The following GPHN variants were observed in gnomAD, a reference collection of about 807,000 sequenced individuals.
GPHN encodes gephyrin.
A neutral mutation model predicts 95.5 loss-of-function variants in GPHN; 17 were observed. That is an observed-to-expected ratio of 0.18 (90% CI 0.12 to 0.27). GPHN has a LOEUF of 0.27. Ranked by LOEUF, GPHN falls within the 10% of genes least tolerant of loss-of-function variation. GPHN has a pLI of 1.00. For missense variants in GPHN, 660 were observed against 978.1 expected (o/e 0.67, Z 4.34); for synonymous variants, 320 against 322.5 (o/e 0.99, Z 0.08).
chr14:66,858,154 C>T (rs551060018), intron 4 of GPHN, among the ~76,000 whole-genome samples: 9 of 152,058 alleles, frequency 5.9e-5, no homozygotes, highest in Non-Finnish European at 1.2e-4. Flanking sequence ...TACAGTGGGA[C>T]GTGGGGGCAC....
the GPHN span, among the ~76,000 whole-genome samples, chr14:67,304,752 C>T: frequency 5.3e-5 from 8 of 152,066 alleles, no homozygotes; most frequent in African/African-American, 1.7e-4. Flanking sequence ...AAACTAAAAC[C>T]ATCCAATTGT....
At chr14:66,910,821 C>T (rs1358262107) in intron 5 of GPHN, among the ~76,000 whole-genome samples, 8 of 151,908 alleles carry the variant, frequency 5.3e-5, no homozygotes, top group Admixed American at 2.6e-4. Context: ...GTTATGGCAA[C>T]TGAAGTCAGT....
the GPHN span, chr14:67,383,866 G>C: frequency 2.2e-5 from 5 of 227,268 alleles, no homozygotes; most frequent in Non-Finnish European, 4.4e-5. Context: ...TTTAACTATA[G>C]GCTTCTTCCT....
the GPHN span, among the ~76,000 whole-genome samples, chr14:67,251,502 C>T: frequency 6.6e-6 from 1 of 152,040 alleles, no homozygotes; most frequent in Non-Finnish European, 1.5e-5. Context: ...CATTGCACTT[C>T]AGCCTGGTCA....
intron 3 of GPHN, among the ~76,000 whole-genome samples, chr14:66,822,329 C>T (rs965286054): frequency 6.6e-6 from 1 of 152,192 alleles, no homozygotes; most frequent in South Asian, 2.1e-4. Flanking sequence ...TTGAACAGAT[C>T]GTCTCCTTAG....
chr14:67,363,504 T>G, the GPHN span, among the ~76,000 whole-genome samples: 5 of 152,176 alleles, frequency 3.3e-5, no homozygotes, highest in East Asian at 9.6e-4. Context: ...ATGAATAGTT[T>G]TGAGAGAATA....
At chr14:66,926,036 A>C (rs2066466794) in intron 8 of GPHN, among the ~76,000 whole-genome samples, 2 of 152,166 alleles carry the variant, frequency 1.3e-5, no homozygotes, top group Non-Finnish European at 2.9e-5. Context: ...CTTGTTTACC[A>C]TTTGTATGTC....
chr14:66,905,051 A>G (rs140967370), intron 5 of GPHN, among the ~76,000 whole-genome samples: 1 of 152,198 alleles, frequency 6.6e-6, no homozygotes, highest in African/African-American at 2.4e-5. Flanking sequence ...ACATCAATAA[A>G]ATAATTTCTA....
intron 2 of GPHN, among the ~76,000 whole-genome samples, chr14:66,752,505 A>G (rs1417710909): frequency 1.3e-5 from 2 of 152,098 alleles, no homozygotes; most frequent in Admixed American, 6.6e-5. Context: ...AGGGAGAGAG[A>G]CAGGAAAATG....
chr14:67,581,891 T>C, the GPHN span: 1 of 602,410 alleles, frequency 1.7e-6, no homozygotes, highest in Non-Finnish European at 2.9e-6. Context: ...AGCATGACCC[T>C]GCATCTGCTC....
intron 1 of GPHN, among the ~76,000 whole-genome samples, chr14:66,592,707 T>A (rs5915023): frequency 6.6e-6 from 1 of 152,156 alleles, no homozygotes; most frequent in Non-Finnish European, 1.5e-5. Context: ...TTGGTCAGAG[T>A]GTGAATTAGT....
the GPHN span, chr14:67,685,001 G>T: frequency 6.3e-7 from 1 of 1,593,970 alleles, no homozygotes; most frequent in Non-Finnish European, 8.5e-7. Context: ...TGCAAAAAGA[G>T]ATAACATTCA....
chr14:66,516,400 G>T (rs2058249463), intron 1 of GPHN, among the ~76,000 whole-genome samples: 2 of 152,034 alleles, frequency 1.3e-5, no homozygotes, highest in Admixed American at 6.6e-5. Context: ...TGCTTTTCAG[G>T]TTTTACCCAC....
intron 3 of GPHN, among the ~76,000 whole-genome samples, chr14:66,784,132 C>A (rs909002450): frequency 6.6e-6 from 1 of 152,028 alleles, no homozygotes; most frequent in Admixed American, 6.6e-5. Flanking sequence ...ACTATGAATT[C>A]TCTTTAAAAA....
chr14:67,150,470 A>AAAAAACAAAACAAAACAAAACAAAAAT (rs1567410950), intron 18 of GPHN, among the ~76,000 whole-genome samples: 5 of 148,538 alleles, frequency 3.4e-5, no homozygotes, highest in African/African-American at 7.4e-5. Context: ...AAAAAAAAAA[A>AAAAAACAAAACAAAACAAAACAAAAAT]AAACATTGTA....
the GPHN span, chr14:67,473,506 G>C: frequency 6.2e-7 from 1 of 1,614,194 alleles, no homozygotes; most frequent in Non-Finnish European, 8.5e-7. This position sits in a 1 kb window ranked among gnomAD's most constrained non-coding sequence, Gnocchi z 6.5. Flanking sequence ...CGGAGGCGGA[G>C]GGTGTTGCGG....
chr14:66,842,586 TCCCTGAACCAGTTTGTACAG>T (rs2062143839), intron 4 of GPHN: 1 of 838,116 alleles, frequency 1.2e-6, no homozygotes, highest in Admixed American at 2.4e-5. Flanking sequence ...GGTTCTTATT[TCCCTGAACCAGTTTGTACAG>T]CCCTAAATTT....
chr14:66,756,702 T>G (rs2058569344), intron 2 of GPHN, among the ~76,000 whole-genome samples: 1 of 152,204 alleles, frequency 6.6e-6, no homozygotes, highest in South Asian at 2.1e-4. Context: ...CTTCATTAAT[T>G]AAGAGATGGT....
chr14:67,615,568 A>G, the GPHN span: 5 of 509,380 alleles, frequency 9.8e-6, no homozygotes, highest in South Asian at 5.3e-5. Flanking sequence ...GGAGCGTAAG[A>G]AGAAACACCC....
Sources: allele counts gnomAD v4.1 joint callset (sites outside exome capture counted in the v4.1 genomes callset), GRCh38; gene constraint gnomAD v4.1.1; non-coding constraint Gnocchi (gnomAD v3.1); transcripts MANE v1.5; gene names NCBI Gene and HGNC (gene_info 2026-07-23, HGNC 2026-07-21).